Variants in GABRB3 observed in about 807,000 individuals in gnomAD.
GABRB3 encodes gamma-aminobutyric acid type A receptor subunit beta3.
Under a neutral mutation model 52.1 loss-of-function variants are expected in GABRB3, and 14 were observed. The observed-to-expected ratio is 0.27, with a 90% CI of 0.18 to 0.42. The LOEUF (loss-of-function observed/expected upper bound fraction) is 0.42. GABRB3 is among the 10% of genes least tolerant of loss of function. The pLI is 1.00. For missense variants in GABRB3, 307 were observed against 609.1 expected (o/e 0.50, Z 5.22); for synonymous variants, 260 against 232.3 (o/e 1.12, Z -1.08).
chr15:26,722,503 A>T (rs1889668285), intron 3 of GABRB3, among the ~76,000 whole-genome samples: 1 of 152,134 alleles, frequency 6.6e-6, no homozygotes, highest in Non-Finnish European at 1.5e-5. Flanking sequence ...TCTCACCTTC[A>T]TTTCTTCTTT....
intron 3 of GABRB3, among the ~76,000 whole-genome samples, chr15:26,717,438 C>G (rs1007856105): frequency 6.6e-6 from 1 of 152,218 alleles, no homozygotes; most frequent in Admixed American, 6.5e-5. Flanking sequence ...TAATGTGGAC[C>G]ATGTGTAAAG....
At chr15:26,753,283 G>A (rs1399374597) in intron 3 of GABRB3, among the ~76,000 whole-genome samples, 2 of 152,118 alleles carry the variant, frequency 1.3e-5, no homozygotes, top group Non-Finnish European at 1.5e-5. Flanking sequence ...ACCTACGCTG[G>A]GTGTGGCAAG....
At chr15:26,629,325 G>A (rs1892841655) in intron 3 of GABRB3, 5 of 623,528 alleles carry the variant, frequency 8.0e-6, no homozygotes, top group South Asian at 2.1e-5. Flanking sequence ...CCCAGCTCAG[G>A]AGCCTGGCGG....
At chr15:26,609,096 A>G (rs1051362090) in intron 4 of GABRB3, among the ~76,000 whole-genome samples, 53 of 62,744 alleles carry the variant, frequency 8.4e-4, no homozygotes, top group African/African-American at 2.8e-3. Flanking sequence ...ACACACACAC[A>G]CACACATACA....
At chr15:26,641,274 G>C (rs545552162) in intron 3 of GABRB3, among the ~76,000 whole-genome samples, 19 of 152,218 alleles carry the variant, frequency 1.2e-4, no homozygotes, top group Admixed American at 2.6e-4. Flanking sequence ...ATAACACCTA[G>C]AACTTGCTCG....
intron 3 of GABRB3, among the ~76,000 whole-genome samples, chr15:26,637,249 C>T (rs1482614947): frequency 2.0e-5 from 3 of 152,184 alleles, no homozygotes; most frequent in African/African-American, 7.2e-5. Flanking sequence ...CTTGAACTCT[C>T]TTTCCCCTAA....
chr15:26,628,462 C>A (rs1307773815), intron 3 of GABRB3, among the ~76,000 whole-genome samples: 8 of 152,040 alleles, frequency 5.3e-5, no homozygotes, highest in Non-Finnish European at 1.0e-4. Context: ...ATACTAAACA[C>A]GAAGGGATAT....
chr15:26,719,721 G>A (rs1889593187), intron 3 of GABRB3, among the ~76,000 whole-genome samples: 1 of 152,324 alleles, frequency 6.6e-6, no homozygotes, highest in South Asian at 2.1e-4. Context: ...GCTATGCTAA[G>A]AATGGTCAGC....
chr15:26,598,608 A>C (rs1371879744), intron 4 of GABRB3, among the ~76,000 whole-genome samples: 2 of 152,228 alleles, frequency 1.3e-5, no homozygotes, highest in East Asian at 3.8e-4. Flanking sequence ...AGGATGCCAG[A>C]TGAAAAAGGA....
In GABRB3 at chr15:26,621,418, G is replaced by A. The variant is rs370237352; in HGVS notation, c.357C>T (p.Pro119=). The part of the protein sequence containing the change: ...DNRVADQLWV[P]DTYFLNDKKS... The stretch of plus-strand genomic sequence containing the variant: ...TTTTGTCATTTAAGAAATATGTGTC[G>A]GGCACCCATAGCTGGTCAGCCACTC... The change falls in exon 4 of 9, where the codon CCC becomes CCT. Residue 119 remains proline, a synonymous_variant. Transcript: ENST00000311550. The surrounding 1 kb of genome is among the most constrained non-coding windows in gnomAD (Gnocchi z 4.1). 44 of 1,614,040 alleles carry A rather than the reference G, an allele frequency of 2.7e-5. No individual in the cohort carries two copies. The highest frequency in any genetic ancestry group is 2.4e-4 in the African/African-American group (18 of 75,000).
In GABRB3 at chr15:26,554,181, T is replaced by A. The variant is rs1291504735; in HGVS notation, c.1081-6047A>T. On this transcript the variant is annotated intron_variant, in intron 8 of 8. Transcript: ENST00000311550. ...ATAAAGTATATATATATAAAGTATA[T>A]ATATATATACTATATATATATATAT... 3.6e-4 allele frequency among the ~76,000 whole-genome samples: 10 copies of A among 27,568 alleles called. 1 individual carries two copies. The highest frequency in any genetic ancestry group is 2.0e-3 in the African/African-American group (10 of 4,908). The allele number at this position is 27,568 out of a possible 152,430, so 18.1% of individuals were successfully genotyped here.
At chr15:26,625,300 C>G in intron 3 of GABRB3, 1 of 199,742 alleles carries the variant, frequency 5.0e-6, no homozygotes, top group Non-Finnish European at 9.0e-6. Flanking sequence ...AGAACCCCGG[C>G]ACCACCAACT....
chr15:26,644,348 A>G lies in GABRB3; in HGVS notation c.241-22814T>C, dbSNP rs193116013. On this transcript the variant is annotated intron_variant, in intron 3 of 8. Transcript: ENST00000311550. ...TGTTTACAGAGATGATTAAATTAAA[A>G]TGAGGTTGCTAGGGTGAGCCCTTGT... 7.9e-5 allele frequency among the ~76,000 whole-genome samples: 12 copies of G among 152,340 alleles called. No homozygotes were observed. In the East Asian group the frequency reaches 1.4e-3, roughly 17 times the overall value.
At chr15:26,622,259 A>G (rs1445701582) in intron 3 of GABRB3, among the ~76,000 whole-genome samples, 1 of 152,154 alleles carries the variant, frequency 6.6e-6, no homozygotes, top group Non-Finnish European at 1.5e-5. Flanking sequence ...ATTACCAAAT[A>G]TCCACGTGAT....
chr15:26,651,699 C>T (rs1887203192), intron 3 of GABRB3, among the ~76,000 whole-genome samples: 1 of 152,142 alleles, frequency 6.6e-6, no homozygotes. Context: ...CCCTACAAAC[C>T]ATAACATCTC....
intron 8 of GABRB3, among the ~76,000 whole-genome samples, chr15:26,557,050 C>T (rs1024902323): frequency 2.6e-5 from 4 of 151,986 alleles, no homozygotes; most frequent in African/African-American, 9.7e-5. Context: ...AACAGTGGAC[C>T]GGATAAAGAA....
intron 3 of GABRB3, among the ~76,000 whole-genome samples, chr15:26,668,500 C>T (rs1887785765): frequency 6.6e-6 from 1 of 152,024 alleles, no homozygotes; most frequent in African/African-American, 2.4e-5. Context: ...CAGCCTCATA[C>T]ATACAGTTTT....
rs143294592 is a variant in GABRB3 at position 26,601,201 on chromosome 15, A to T, written c.462-17787T>A. Among the ~76,000 whole-genome samples the T allele has an allele frequency of 5.3e-3, 806 of 152,256 alleles. 5 individuals are homozygous for T. The highest frequency in any genetic ancestry group is 0.018 in the African/African-American group (752 of 41,544). On this transcript the variant is annotated intron_variant, in intron 4 of 8. Coordinates refer to ENST00000311550, the MANE Select transcript of GABRB3 (RefSeq NM_000814.6). The stretch of plus-strand genomic sequence containing the variant: ...CACTTTGGGAGGCCGAGGCGGGCAG[A>T]TCACCTGAGGTCGAGTTTGAAACCA...
intron 3 of GABRB3, among the ~76,000 whole-genome samples, chr15:26,649,071 CTGT>C (rs1260306067): frequency 6.6e-6 from 1 of 152,080 alleles, no homozygotes; most frequent in East Asian, 1.9e-4. Flanking sequence ...TTCTCTCGCG[CTGT>C]TTTCTTGGTG....
Sources: allele counts gnomAD v4.1 joint callset (sites outside exome capture counted in the v4.1 genomes callset), GRCh38; gene constraint gnomAD v4.1.1; non-coding constraint Gnocchi (gnomAD v3.1); transcripts MANE v1.5; gene names NCBI Gene and HGNC (gene_info 2026-07-23, HGNC 2026-07-21).